The following FNTB variants were observed in gnomAD, a reference collection of about 807,000 sequenced individuals.
FNTB encodes protein farnesyltransferase subunit beta.
In FNTB, 27 loss-of-function variants were observed where a neutral mutation model predicts 59.4. The observed-to-expected ratio is 0.45, with a 90% confidence interval of 0.34 to 0.63. The LOEUF is 0.63. FNTB is among the 20% of genes least tolerant of loss of function. The pLI is 0.02. For missense variants in FNTB, 449 were observed against 559.6 expected (o/e 0.80, Z 1.99); for synonymous variants, 230 against 220.7 (o/e 1.04, Z -0.37).
intron 3 of FNTB, among the ~76,000 whole-genome samples, chr14:65,013,323 T>TC (rs1251939495): frequency 9.9e-6 from 1 of 101,506 alleles, no homozygotes; most frequent in Non-Finnish European, 2.0e-5. Flanking sequence ...CATCTTTGTT[T>TC]CCTTTTTTTT....
chr14:65,008,464 G>C (rs946553194), intron 2 of FNTB, among the ~76,000 whole-genome samples: 2 of 152,232 alleles, frequency 1.3e-5, no homozygotes, highest in Admixed American at 1.3e-4. Context: ...TTGGTCTAGT[G>C]GGGGAGGTGG....
rs560679621 is a variant in FNTB at position 64,991,650 on chromosome 14, G to A, written c.144+4553G>A. ...AATATGCTATAGGCAGTCACAGAGT[G>A]CTAAATTATAACTGCTTTGCACGAG... On this transcript the variant is annotated intron_variant, in intron 1 of 11. Coordinates refer to ENST00000246166, the MANE Select transcript of FNTB (RefSeq NM_002028.4). This position sits in a 1 kb window ranked among gnomAD's most constrained non-coding sequence, Gnocchi z 4.4. Among the ~76,000 whole-genome samples, 2 of 152,138 alleles carry A rather than the reference G, an allele frequency of 1.3e-5. No individual in the cohort carries two copies. The highest frequency in any genetic ancestry group is 2.4e-5 in the African/African-American group (1 of 41,434).
intron 4 of FNTB, among the ~76,000 whole-genome samples, chr14:65,016,689 A>C (rs1182336565): frequency 6.6e-6 from 1 of 152,196 alleles, no homozygotes; most frequent in Non-Finnish European, 1.5e-5. Flanking sequence ...ATAACCTCTC[A>C]TTCTTGCCTT....
In FNTB at chr14:65,053,819, C is replaced by CT. The variant is rs2062668780; in HGVS notation, c.1067+471dup. ...TCCTCTCACCTTTGTTACCCACCCT[C>CT]TGTCTTCCCCCATCCCAGCACACGT... On this transcript the variant is annotated intron_variant, in intron 10 of 11. Coordinates refer to ENST00000246166, the MANE Select transcript of FNTB (RefSeq NM_002028.4). Among the ~76,000 whole-genome samples, 2 of 152,188 alleles carry CT rather than the reference C, an allele frequency of 1.3e-5. 1 individual carries two copies. Among genetic ancestry groups the CT allele is most frequent in the South Asian group, 4.1e-4 (2 of 4,834 alleles).
At position 65,061,233 on chromosome 14, in the gene FNTB, C is replaced by G; in HGVS notation, c.1235C>G (p.Thr412Ser). 6.2e-7 allele frequency: 1 copy of G among 1,614,202 alleles called. No individual in the cohort carries two copies. Residue 412 changes from threonine (T) to serine (S), a missense_variant, in exon 12 of 12, where the codon ACT (threonine) becomes AGT (serine). This residue lies in a region of FNTB where 337 missense variants were observed against 479.1 expected (regional missense o/e 0.70). Transcript: ENST00000246166. The stretch of plus-strand genomic sequence containing the variant: ...GGACCAGACAAGGTGATCCAGGCCA[C>G]TACATACTTTCTACAGAAGCCAGTC... ...NIGPDKVIQA[T>S]TYFLQKPVPG...
At position 65,023,009 on chromosome 14, in the gene FNTB, G is replaced by A. The variant is rs536174530; in HGVS notation, c.375-4444G>A. On this transcript the variant is annotated intron_variant, in intron 4 of 11. Transcript: ENST00000246166. The surrounding 1 kb of genome is among the most constrained non-coding windows in gnomAD (Gnocchi z 4.1). ...ATTTTGTATTATATGCTTATTTACT[G>A]TACATGCCTTTGAATCCTTCATCCA... 5.9e-5 allele frequency among the ~76,000 whole-genome samples: 9 copies of A among 152,184 alleles called. No homozygotes were observed. The East Asian group carries it at 1.2e-3, about 20-fold the overall frequency.
At chr14:65,020,613 T>C (rs2061868216) in intron 4 of FNTB, among the ~76,000 whole-genome samples, 2 of 151,862 alleles carry the variant, frequency 1.3e-5, no homozygotes, top group Non-Finnish European at 2.9e-5. Flanking sequence ...TTTGTATTTT[T>C]AGTAGAGATT....
chr14:65,010,741 G>GT (rs2061669297), intron 2 of FNTB, among the ~76,000 whole-genome samples: 1 of 152,170 alleles, frequency 6.6e-6, no homozygotes, highest in East Asian at 1.9e-4. Flanking sequence ...CCAGATCCTT[G>GT]TTTTTTTGTT....
At chr14:65,039,328 ACT>A (rs2062289697) in intron 7 of FNTB, among the ~76,000 whole-genome samples, 1 of 151,966 alleles carries the variant, frequency 6.6e-6, no homozygotes. Flanking sequence ...GAGATTACTG[ACT>A]CTCACGTAAT....
intron 2 of FNTB, among the ~76,000 whole-genome samples, chr14:65,010,147 C>T (rs2061661047): frequency 6.6e-6 from 1 of 152,180 alleles, no homozygotes; most frequent in Non-Finnish European, 1.5e-5. Context: ...CTGTTAAACA[C>T]CTTCCTGAAA....
In FNTB at chr14:65,027,978, A is replaced by T. The variant is rs1285842367; in HGVS notation, c.605+197A>T. 6.6e-6 allele frequency among the ~76,000 whole-genome samples: 1 copy of T among 152,220 alleles called. No homozygotes were observed. ...CTCAGGTGTCATGATCACTTGACTT[A>T]TTTTATGTAAATGTGAAAATATAAG... On this transcript the variant is annotated intron_variant, in intron 6 of 11. Transcript: ENST00000246166. This position sits in a 1 kb window ranked among gnomAD's most constrained non-coding sequence, Gnocchi z 5.7.
intron 9 of FNTB, among the ~76,000 whole-genome samples, chr14:65,049,620 T>G (rs1278999724): frequency 6.6e-6 from 1 of 152,188 alleles, no homozygotes; most frequent in African/African-American, 2.4e-5. Context: ...AGTCTATAGT[T>G]TTTTATATAA....
intron 2 of FNTB, among the ~76,000 whole-genome samples, chr14:65,006,645 C>T (rs1322817181): frequency 6.6e-6 from 1 of 152,248 alleles, no homozygotes; most frequent in African/African-American, 2.4e-5. Context: ...GGCTGAGTCA[C>T]TGTCCACTGC....
intron 9 of FNTB, among the ~76,000 whole-genome samples, chr14:65,051,616 A>G (rs1396300866): frequency 6.6e-6 from 1 of 151,928 alleles, no homozygotes; most frequent in Non-Finnish European, 1.5e-5. Context: ...GTCTCAAAAA[A>G]GAAAAAAAAA....
rs898411095 is a variant in FNTB, at chr14:65,054,953, C to T, written c.1182+264C>T. Among the ~76,000 whole-genome samples, 1 of 152,226 alleles carries T rather than the reference C, an allele frequency of 6.6e-6. No individual in the cohort carries two copies. The highest frequency in any genetic ancestry group is 2.4e-5 in the African/African-American group (1 of 41,462). On this transcript the variant is annotated intron_variant, in intron 11 of 11. Transcript: ENST00000246166. The surrounding 1 kb of genome is among the most constrained non-coding windows in gnomAD (Gnocchi z 4.4). ...ATCCCAGGGCTGAGGACCTAGCCCA[C>T]TGCTGGTATTAGCTTCCCCTAGAGG...
chr14:64,996,766 C>CT (rs34327825), intron 1 of FNTB, among the ~76,000 whole-genome samples: 18,605 of 94,280 alleles, frequency 0.2, 1,754 homozygotes, highest in East Asian at 0.35. Context: ...TTGCTAACAT[C>CT]TTTTTTTTTT....
rs2296318 is a variant in FNTB, at chr14:65,044,725, C to T, written c.955+282C>T. Reference sequence around the variant, plus strand: ...GGGGAGGAAGTGGGCGCTGCTTCTGCGTTATCTGGAAGGAGCAGCCCACTC... The same window carrying T: ...GGGGAGGAAGTGGGCGCTGCTTCTGTGTTATCTGGAAGGAGCAGCCCACTC... On this transcript the variant is annotated intron_variant, in intron 9 of 11. Transcript: ENST00000246166. The surrounding 1 kb of genome is among the most constrained non-coding windows in gnomAD (Gnocchi z 5.5). The T allele has an allele frequency of 3.4e-5, 15 of 438,228 alleles. No homozygotes were observed. In the East Asian group the frequency reaches 7.8e-4, roughly 23 times the overall value. The allele number at this position is 438,228 out of a possible 1,614,324, so 27.1% of individuals were successfully genotyped here. A position where few individuals can be genotyped will look rare whatever the true frequency, so the allele number is the denominator to read the frequency against.
rs1288690441 is a variant in FNTB at position 65,008,360 on chromosome 14, G to A, written c.210-3957G>A. Among the ~76,000 whole-genome samples, 3 of 152,204 alleles carry A rather than the reference G, an allele frequency of 2.0e-5. No homozygotes were observed. In the East Asian group the frequency reaches 5.8e-4, roughly 29 times the overall value. ...TGTGTGATCCTCTCTTTCAGCAGCA[G>A]TATCTAGAGAGTCTCCAAAGGACAG... On this transcript the variant is annotated intron_variant, in intron 2 of 11. Transcript: ENST00000246166.
intron 2 of FNTB, among the ~76,000 whole-genome samples, chr14:65,005,450 TTTCTTTC>T: frequency 2.2e-5 from 1 of 44,774 alleles, no homozygotes; most frequent in Middle Eastern, 0.013. Context: ...CTTCCTTTCT[TTTCTTTC>T]TTTCTTTCTT....
Sources: gnomAD v4.1 joint callset for allele counts (sites outside exome capture counted in the v4.1 genomes callset) on GRCh38, gnomAD v4.1.1 for gene constraint, gnomAD v4.1.1 regional missense constraint, Gnocchi (gnomAD v3.1) non-coding constraint, MANE v1.5 for transcripts, NCBI Gene and HGNC (gene_info 2026-07-23, HGNC 2026-07-21) for gene names.